The following CCDC57 variants were observed in gnomAD, a reference collection of about 807,000 sequenced individuals.
CCDC57 encodes coiled-coil domain-containing protein 57.
A neutral mutation model predicts 118.9 loss-of-function variants in CCDC57; 118 were observed. The ratio of observed to expected loss-of-function variants is 0.99; its 90% confidence interval spans 0.86 to 1.16. The LOEUF is 1.16. CCDC57 is among the 50% of genes most tolerant of loss of function. The pLI, the probability that CCDC57 is intolerant of heterozygous loss-of-function variation, is 0.00. For synonymous variants in CCDC57, 527 were observed against 532.9 expected, an observed-to-expected ratio of 0.99 and a Z score of 0.15; for missense variants, 1,300 against 1,320.7, an observed-to-expected ratio of 0.98 and a Z score of 0.24.
chr17:82,206,606 C>A (rs1188190671), intron 2 of CCDC57, among the ~76,000 whole-genome samples: 3 of 152,164 alleles, frequency 2.0e-5, no homozygotes, highest in Non-Finnish European at 4.4e-5. Flanking sequence ...TCTCCCCTTA[C>A]GCATCTCCTC....
In CCDC57 at chr17:82,198,750, G is replaced by C. The variant is rs572233899; in HGVS notation, c.408-328C>G. On this transcript the variant is annotated intron_variant, in intron 3 of 19. Coordinates refer to ENST00000665763, the Ensembl canonical transcript of CCDC57. ...TCACGCCTGTAATCCCAGCACTTTGGGAGGCCGAGGTGGGCGGATCACAAG... is the reference window on the plus strand; with the variant it reads ...TCACGCCTGTAATCCCAGCACTTTGCGAGGCCGAGGTGGGCGGATCACAAG... 2.0e-5 allele frequency among the ~76,000 whole-genome samples: 3 copies of C among 152,134 alleles called. No individual in the cohort carries two copies. The South Asian group carries it at 6.2e-4, about 32-fold the overall frequency.
intron 16 of CCDC57, among the ~76,000 whole-genome samples, chr17:82,145,424 G>A (rs1258318860): frequency 1.3e-5 from 2 of 151,900 alleles, no homozygotes; most frequent in African/African-American, 2.4e-5. Flanking sequence ...GCGGGCGCCT[G>A]TAATACCAGC....
chr17:82,165,243 C>T (rs986600695), intron 13 of CCDC57, among the ~76,000 whole-genome samples: 1 of 152,282 alleles, frequency 6.6e-6, no homozygotes, highest in East Asian at 1.9e-4. Flanking sequence ...GAATTCATCC[C>T]AGAACTGCAC....
At chr17:82,128,142 G>A (rs184397288) in intron 18 of CCDC57, among the ~76,000 whole-genome samples, 170 of 152,258 alleles carry the variant, frequency 1.1e-3, no homozygotes, top group Admixed American at 1.8e-3. Flanking sequence ...CTCAGTGCTC[G>A]TCTCAACACT....
At chr17:82,166,315 G>C (rs1032172868) in intron 13 of CCDC57, among the ~76,000 whole-genome samples, 1 of 148,812 alleles carries the variant, frequency 6.7e-6, no homozygotes, top group African/African-American at 2.5e-5. Flanking sequence ...TTTAAGATCA[G>C]CCTGGGCAAC....
intron 16 of CCDC57, among the ~76,000 whole-genome samples, chr17:82,138,180 GCT>G (rs1279314196): frequency 3.1e-4 from 41 of 134,014 alleles, no homozygotes; most frequent in African/African-American, 1.2e-3. Context: ...ACGGAGTCTC[GCT>G]CTGTTGCCCA....
rs755409077 is a variant in CCDC57, at chr17:82,172,767, C to A, written c.1600G>T (p.Ala534Ser). 2 of 1,612,766 alleles carry A rather than the reference C, an allele frequency of 1.2e-6. No homozygotes were observed. The highest frequency in any genetic ancestry group is 3.3e-5 in the Admixed American group (2 of 59,870). ...ATTTCTTTCCTCATCTGGGCAATCG[C>A]GTTTCGCAAGCTCGTGTTCTGCTCT... Residue 534 changes from alanine (A) to serine (S), a missense_variant, in exon 12 of 20, where the codon GCG (alanine) becomes TCG (serine). Physicochemically the swap from Ala to Ser is moderately conservative, Grantham distance 99. Transcript: ENST00000665763. This position sits in a 1 kb window ranked among gnomAD's most constrained non-coding sequence, Gnocchi z 5.2.
At chr17:82,165,121 A>G (rs2043816394) in intron 13 of CCDC57, among the ~76,000 whole-genome samples, 1 of 152,240 alleles carries the variant, frequency 6.6e-6, no homozygotes, top group African/African-American at 2.4e-5. Flanking sequence ...CAAGAGTTCA[A>G]GAATAGCCTG....
chr17:82,206,094 G>A (rs567040417), intron 2 of CCDC57, among the ~76,000 whole-genome samples: 188 of 152,250 alleles, frequency 1.2e-3, no homozygotes, highest in Non-Finnish European at 2.3e-3. Context: ...GTTGGGGAGC[G>A]GCAGGAGAAG....
At chr17:82,148,060 G>A in intron 16 of CCDC57, among the ~76,000 whole-genome samples, 2 of 130,570 alleles carry the variant, frequency 1.5e-5, no homozygotes, top group South Asian at 2.8e-4. Flanking sequence ...GTGGGTGGAT[G>A]GATGGATGGG....
chr17:82,114,804 T>C (rs568789119), intron 19 of CCDC57, among the ~76,000 whole-genome samples: 45 of 152,340 alleles, frequency 3.0e-4, no homozygotes, highest in African/African-American at 1.0e-3. Flanking sequence ...GAGTGTGCCA[T>C]GATTTGGCCC....
At chr17:82,130,958 C>G (rs2038272337) in intron 17 of CCDC57, among the ~76,000 whole-genome samples, 1 of 151,246 alleles carries the variant, frequency 6.6e-6, no homozygotes, top group Non-Finnish European at 1.5e-5. Context: ...ATTACAGGTG[C>G]CTGCCACCAT....
At chr17:82,176,106 T>C (rs1011179114) in intron 11 of CCDC57, among the ~76,000 whole-genome samples, 8 of 152,198 alleles carry the variant, frequency 5.3e-5, no homozygotes, top group Non-Finnish European at 1.5e-5. Flanking sequence ...AAACCCCTCA[T>C]GACCTTTGGA....
chr17:82,127,618 C>T lies in CCDC57; in HGVS notation c.2899+74G>A, dbSNP rs1288636655. 6.6e-6 allele frequency: 10 copies of T among 1,509,704 alleles called. No homozygotes were observed. The East Asian group carries it at 2.5e-4, about 37-fold the overall frequency. The allele number at this position is 1,509,704 out of a possible 1,614,324, so 93.5% of individuals were successfully genotyped here. A position where few individuals can be genotyped will look rare whatever the true frequency, so the allele number is the denominator to read the frequency against. On this transcript the variant is annotated intron_variant, in intron 19 of 19. Coordinates refer to ENST00000665763, the Ensembl canonical transcript of CCDC57. ...GGAGGCACGCAGGGTGCTGACTCTC[C>T]ACATGCCCCTCGGAGAGGGTGGCCC...
At chr17:82,156,376 C>T (rs3935402) in intron 15 of CCDC57, 21,930 of 152,206 alleles carry the variant, frequency 0.14, 2,090 homozygotes, top group Non-Finnish European at 0.22. Flanking sequence ...CAGTGAACTA[C>T]GCAAGGGCCA....
At chr17:82,173,551 G>A (rs1189392526) in intron 11 of CCDC57, among the ~76,000 whole-genome samples, 2 of 152,170 alleles carry the variant, frequency 1.3e-5, no homozygotes, top group Non-Finnish European at 2.9e-5. Flanking sequence ...TGTTACAAAT[G>A]TGCTGAAAGC....
chr17:82,150,342 C>T (rs910290482), intron 16 of CCDC57, among the ~76,000 whole-genome samples: 123 of 136,710 alleles, frequency 9.0e-4, no homozygotes, highest in Middle Eastern at 4.6e-3. Flanking sequence ...GACCCGCACC[C>T]AGAACCAGGC....
chr17:82,139,729 G>A (rs1350597161), intron 16 of CCDC57, among the ~76,000 whole-genome samples: 2 of 152,064 alleles, frequency 1.3e-5, no homozygotes, highest in Non-Finnish European at 2.9e-5. Context: ...AACAGGGACT[G>A]TCTCAGAGCC....
At chr17:82,151,757 C>G (rs1359929986) in exon 16 of CCDC57, 2 of 1,550,096 alleles carry the variant, frequency 1.3e-6, no homozygotes, top group South Asian at 2.4e-5. Context: ...CTCCATAGGC[C>G]CTCTCTTGGT....
Sources: allele counts gnomAD v4.1 joint callset (sites outside exome capture counted in the v4.1 genomes callset), GRCh38; gene constraint gnomAD v4.1.1; non-coding constraint Gnocchi (gnomAD v3.1); transcripts MANE v1.5; gene names NCBI Gene and HGNC (gene_info 2026-07-23, HGNC 2026-07-21).